The following WDR88 variants were observed in gnomAD, a reference collection of about 807,000 sequenced individuals.
The protein encoded by WDR88 is WD repeat-containing protein 88.
In WDR88, 40 loss-of-function variants were observed where a neutral mutation model predicts 46.8. The observed-to-expected ratio is 0.86, with a 90% CI of 0.66 to 1.11. The LOEUF (loss-of-function observed/expected upper bound fraction) is 1.11, where lower values mean the gene tolerates loss of function less well. Ranked by LOEUF, WDR88 falls within the 50% of genes most tolerant of loss-of-function variation. The probability of loss-of-function intolerance (pLI) is 0.00; values close to 1 mark genes in which losing one functional copy is unlikely to be tolerated. For missense variants in WDR88, 562 were observed against 602.4 expected (o/e 0.93, Z 0.70); for synonymous variants, 235 against 240.7 (o/e 0.98, Z 0.22).
chr19:33,155,006 A>G (rs532540413), intron 6 of WDR88, among the ~76,000 whole-genome samples: 29 of 152,270 alleles, frequency 1.9e-4, no homozygotes, highest in Admixed American at 1.4e-3. Context: ...CTCAGAGAAA[A>G]CTCTGCTTAC....
intron 7 of WDR88, among the ~76,000 whole-genome samples, chr19:33,157,497 CAA>C (rs1491243764): frequency 1.5e-5 from 2 of 134,002 alleles, no homozygotes; most frequent in African/African-American, 3.0e-5. Context: ...GACTCTGTCT[CAA>C]TATATATATA....
intron 6 of WDR88, 62 bp from the exon 7 acceptor site, chr19:33,156,293 T>C: frequency 6.5e-7 from 1 of 1,535,160 alleles, no homozygotes; most frequent in Non-Finnish European, 8.8e-7. Flanking sequence ...CGGCTTTAGG[T>C]ATGTCTTCAG....
intron 3 of WDR88, among the ~76,000 whole-genome samples, 182 bp from the exon 4 acceptor site, chr19:33,147,463 C>T (rs545156529): frequency 3.7e-4 from 57 of 152,066 alleles, no homozygotes; most frequent in Non-Finnish European, 5.1e-4. Flanking sequence ...ATTAGCTGGG[C>T]GTGGTGGCGG....
chr19:33,156,735 A>G (rs146710516), intron 7 of WDR88, among the ~76,000 whole-genome samples, 193 bp downstream of exon 7: 112 of 152,298 alleles, frequency 7.4e-4, no homozygotes, highest in African/African-American at 2.5e-3. Flanking sequence ...ACTCAGCTCA[A>G]TGTGGCGTAT....
At chr19:33,147,543 C>A in intron 3 of WDR88, 102 bp from the exon 4 acceptor site, 1 of 1,097,774 alleles carries the variant, frequency 9.1e-7, no homozygotes, top group Non-Finnish European at 1.3e-6. Context: ...GTGGAGGTTG[C>A]AGTGAGCCGG....
At position 33,153,029 on chromosome 19, in the gene WDR88, T is replaced by G. The variant is rs542688659; in HGVS notation, c.809+1719T>G. ...CTATGAACACATGTACATGTAACTTTGAGTTCCTGCTTTCAATTCTTTTTA... is the reference window on the plus strand; with the variant it reads ...CTATGAACACATGTACATGTAACTTGGAGTTCCTGCTTTCAATTCTTTTTA... On this transcript the variant is annotated intron_variant, in intron 6 of 10. Transcript: ENST00000355868. 1.8e-3 allele frequency among the ~76,000 whole-genome samples: 269 copies of G among 152,124 alleles called. 2 individuals carry two copies. Among genetic ancestry groups the G allele is most frequent in the African/African-American group, 6.2e-3 (257 of 41,518 alleles).
In WDR88 at chr19:33,147,689, T is replaced by G. The variant is rs778621044; in HGVS notation, c.521T>G (p.Leu174Arg). Residue 174 changes from leucine (L) to arginine (R), a missense_variant, in exon 4 of 11, where the codon CTG becomes CGG. Physicochemically the swap from Leu to Arg is moderately radical, Grantham distance 102. Transcript: ENST00000355868. ...SYDKTVRAWDLETGKLLWKVR... is the reference protein window; with the variant it reads ...SYDKTVRAWDRETGKLLWKVR... The stretch of plus-strand genomic sequence containing the variant: ...GATAAGACAGTGAGGGCCTGGGACC[T>G]GGAGACAGGCAAGCTGCTGGTACGT... 2.4e-5 allele frequency: 38 copies of G among 1,613,882 alleles called. No homozygotes were observed. Among genetic ancestry groups the G allele is most frequent in the Non-Finnish European group, 3.1e-5 (36 of 1,179,926 alleles).
chr19:33,174,074 A>G (rs1162283752), intron 10 of WDR88: 3 of 1,225,876 alleles, frequency 2.4e-6, no homozygotes, highest in Admixed American at 4.3e-5. Flanking sequence ...TTGGTCTCGA[A>G]CTCCTGAGCT....
intron 7 of WDR88, among the ~76,000 whole-genome samples, chr19:33,158,777 G>A (rs1394761290): frequency 6.6e-6 from 1 of 152,138 alleles, no homozygotes; most frequent in African/African-American, 2.4e-5. Context: ...TTGGCTCACT[G>A]CAACCTCTGC....
intron 2 of WDR88, 64 bp downstream of exon 2, chr19:33,137,851 T>C: frequency 7.1e-7 from 1 of 1,402,250 alleles, no homozygotes; most frequent in Non-Finnish European, 1.0e-6. Context: ...GCACCTCCTG[T>C]GTCGAGTTCC....
chr19:33,132,902 G>A (rs1471939578), intron 1 of WDR88, among the ~76,000 whole-genome samples: 1 of 152,212 alleles, frequency 6.6e-6, no homozygotes, highest in East Asian at 1.9e-4. Flanking sequence ...GCTCACACCT[G>A]TAATCCCAGC....
At chr19:33,145,818 G>A (rs939233703) in intron 3 of WDR88, among the ~76,000 whole-genome samples, 7 of 152,266 alleles carry the variant, frequency 4.6e-5, no homozygotes, top group African/African-American at 4.8e-5. Context: ...ACAGGTGTGA[G>A]CCACCATGCC....
chr19:33,161,290 G>A (rs1477254605), intron 8 of WDR88, among the ~76,000 whole-genome samples: 2 of 152,158 alleles, frequency 1.3e-5, no homozygotes, highest in Non-Finnish European at 2.9e-5. Context: ...AATGCTCTGG[G>A]CTACAAGTGA....
Position 33,148,810 on chromosome 19 carries a change from G to A in WDR88, c.579G>A (p.Lys193=). 1 of 1,614,144 alleles carries A rather than the reference G, an allele frequency of 6.2e-7. No homozygotes were observed. Among genetic ancestry groups the A allele is most frequent in the Non-Finnish European group, 8.5e-7 (1 of 1,180,026 alleles). The change falls in exon 5 of 11, where the codon AAG becomes AAA. Residue 193 remains lysine (K), a synonymous_variant. Coordinates refer to ENST00000355868, the MANE Select transcript of WDR88 (RefSeq NM_173479.4). ...VRYDTFIVSC[K]FSPDGKYVVS... is the part of the protein sequence containing the mutation. ...ATGATACCTTCATCGTCTCCTGTAA[G>A]TTTTCTCCTGATGGTAAATACGTGG...
At chr19:33,166,582 G>A (rs574300697) in intron 9 of WDR88, among the ~76,000 whole-genome samples, 2 of 151,810 alleles carry the variant, frequency 1.3e-5, no homozygotes, top group Admixed American at 6.6e-5. Flanking sequence ...GGGCGACAGA[G>A]TGAGACCCTG....
chr19:33,172,304 T>C (rs748315526), intron 9 of WDR88, 44 bp from the exon 10 acceptor site: 2 of 1,497,604 alleles, frequency 1.3e-6, no homozygotes, highest in Admixed American at 1.8e-5. Context: ...TGTATGGATG[T>C]ACCACAGCCT....
intron 8 of WDR88, among the ~76,000 whole-genome samples, chr19:33,161,914 G>A (rs1303770448): frequency 2.0e-5 from 3 of 152,130 alleles, no homozygotes; most frequent in Non-Finnish European, 2.9e-5. Context: ...GCAGTGAGCT[G>A]AGATTGCACC....
chr19:33,173,182 C>A (rs1056008815), intron 10 of WDR88, among the ~76,000 whole-genome samples: 1 of 151,224 alleles, frequency 6.6e-6, no homozygotes, highest in Non-Finnish European at 1.5e-5. Context: ...GAGGCAGGAG[C>A]CAGCCTGGTG....
intron 7 of WDR88, among the ~76,000 whole-genome samples, chr19:33,159,051 C>T (rs1224994236): frequency 1.3e-5 from 2 of 151,610 alleles, no homozygotes; most frequent in African/African-American, 2.4e-5. Context: ...CTCCCTTGGC[C>T]GTGTGTGGTG....
Sources: allele counts gnomAD v4.1 joint callset (sites outside exome capture counted in the v4.1 genomes callset), GRCh38; gene constraint gnomAD v4.1.1; transcripts MANE v1.5; gene names NCBI Gene and HGNC (gene_info 2026-07-23, HGNC 2026-07-21).